OR2G6: variants seen among roughly 807,000 people sequenced by gnomAD.
OR2G6 encodes the protein olfactory receptor family 2 subfamily G member 6.
For synonymous variants in OR2G6, 183 were observed against 155.2 expected (o/e 1.18, Z -1.33); for missense variants, 457 against 391.3 (o/e 1.17, Z -1.42).
At position 248,521,874 on chromosome 1, in the gene OR2G6, T is replaced by C. The variant is rs765410650; in HGVS notation, c.228T>C (p.Ser76=). The C allele has an allele frequency of 6.2e-7, 1 of 1,614,124 alleles. No homozygotes were observed. The highest frequency in any genetic ancestry group is 8.5e-7 in the Non-Finnish European group (1 of 1,179,998). Residue 76 remains serine, a synonymous_variant, in exon 2 of 2, where the codon AGT becomes AGC. Coordinates refer to ENST00000641804, the MANE Select transcript of OR2G6 (RefSeq NM_001013355.2). The part of the protein sequence containing the change: ...LSCVDICFTT[S]VAPQLLVTMN... ...GTGTGGACATCTGCTTTACCACCAG[T>C]GTTGCCCCACAGTTGCTGGTTACCA...
Position 248,521,555 on chromosome 1 carries a change from T to A in OR2G6, c.-36-56T>A, listed in dbSNP as rs994145247. The A allele has an allele frequency of 8.0e-6, 7 of 879,296 alleles. No individual in the cohort carries two copies. In the African/African-American group the frequency reaches 1.2e-4, roughly 15 times the overall value. 54.5% of individuals were successfully genotyped at this position (879,296 alleles called of 1,614,324 possible). A position where few individuals can be genotyped will look rare whatever the true frequency, so the allele number is the denominator to read the frequency against. ...GGAAGATAATTATACTGTAAACGAC[T>A]GTGGATTACCATTCTTGACCTCATT... On this transcript the variant is annotated intron_variant, in intron 1 of 1. Coordinates refer to ENST00000641804, the MANE Select transcript of OR2G6 (RefSeq NM_001013355.2).
intron 1 of OR2G6, among the ~76,000 whole-genome samples, chr1:248,520,535 A>G (rs1241194898): frequency 6.6e-6 from 1 of 152,172 alleles, no homozygotes; most frequent in Non-Finnish European, 1.5e-5. Context: ...TTGACTTGGC[A>G]TTTGACAATA....
At chr1:248,520,191 G>T (rs557172347) in intron 1 of OR2G6, among the ~76,000 whole-genome samples, 3 of 152,064 alleles carry the variant, frequency 2.0e-5, no homozygotes, top group Non-Finnish European at 2.9e-5. Flanking sequence ...AGCAAACATC[G>T]CATGTTCTCA....
Position 248,522,038 on chromosome 1 carries a change from G to T in OR2G6, c.392G>T (p.Arg131Leu). ...TATGCTGCTGTCTGCCGGCCACTGC[G>T]CTACATAGCCATTATGCACCCCAGG... The part of the protein sequence containing the change: ...DRYAAVCRPL[R>L]YIAIMHPRFC... Residue 131 changes from arginine to leucine, a missense_variant, in exon 2 of 2, where the codon CGC (arginine) becomes CTC (leucine). Transcript: ENST00000641804. 1.9e-6 allele frequency: 3 copies of T among 1,614,116 alleles called. No individual in the cohort carries two copies. The highest frequency in any genetic ancestry group is 2.7e-5 in the African/African-American group (2 of 75,040).
intron 1 of OR2G6, among the ~76,000 whole-genome samples, chr1:248,520,238 C>T (rs1664254321): frequency 6.6e-6 from 1 of 152,016 alleles, no homozygotes; most frequent in African/African-American, 2.4e-5. Context: ...AACACATGGA[C>T]ACAGGGAGGG....
At position 248,521,816 on chromosome 1, in the gene OR2G6, C is replaced by A. The variant is rs748030912; in HGVS notation, c.170C>A (p.Thr57Asn). The change falls in exon 2 of 2, where the codon ACT (threonine) becomes AAT (asparagine). Residue 57 changes from threonine to asparagine, a missense_variant. By Grantham distance (65) the Thr-to-Asn change is moderately conservative. Transcript: ENST00000641804. The part of the protein sequence containing the change: ...LVCCLDSRLH[T>N]PMYFFLSNLS... Reference sequence around the variant, plus strand: ...TGTTGTCTGGACTCCAGACTCCACACTCCAATGTACTTCTTCCTCAGCAAC... The same window carrying A: ...TGTTGTCTGGACTCCAGACTCCACAATCCAATGTACTTCTTCCTCAGCAAC... 6 of 1,614,176 alleles carry A rather than the reference C, an allele frequency of 3.7e-6. No individual in the cohort carries two copies. Among genetic ancestry groups the A allele is most frequent in the Non-Finnish European group, 5.1e-6 (6 of 1,180,022 alleles).
At chr1:248,520,796 G>A (rs985733684) in intron 1 of OR2G6, among the ~76,000 whole-genome samples, 1 of 151,422 alleles carries the variant, frequency 6.6e-6, no homozygotes, top group African/African-American at 2.4e-5. Flanking sequence ...GTCACCTGAG[G>A]TCAGGAGTTC....
At chr1:248,520,728 G>C (rs990193959) in intron 1 of OR2G6, among the ~76,000 whole-genome samples, 1 of 151,772 alleles carries the variant, frequency 6.6e-6, no homozygotes, top group Non-Finnish European at 1.5e-5. Context: ...CAAAAATTAG[G>C]CCAGGCACAG....
rs1664335831 is a variant in OR2G6 at position 248,523,542 on chromosome 1, C to T, written c.*945C>T. The T allele has an allele frequency of 6.6e-6, 1 of 152,136 alleles. No individual in the cohort carries two copies. Among genetic ancestry groups the T allele is most frequent in the African/African-American group, 2.4e-5 (1 of 41,412 alleles). 9.4% of individuals were successfully genotyped at this position (152,136 alleles called of 1,614,324 possible). On this transcript the variant is annotated 3_prime_UTR_variant, in exon 2 of 2. Transcript: ENST00000641804. The stretch of plus-strand genomic sequence containing the variant: ...CTTCAAAAATTTGAAATATGAATCC[C>T]ACACACTGTCTCACGTTAACGATCA...
rs1246769629 is a variant in OR2G6 at position 248,522,803 on chromosome 1, C to T, written c.*206C>T. On this transcript the variant is annotated 3_prime_UTR_variant, in exon 2 of 2. Coordinates refer to ENST00000641804, the MANE Select transcript of OR2G6 (RefSeq NM_001013355.2). ...TCCCAAAGCCACAGGGACTAGGAAG[C>T]ATTGGAATTCTAAAGAAGAGAAACA... 1 of 527,460 alleles carries T rather than the reference C, an allele frequency of 1.9e-6. No homozygotes were observed. Among genetic ancestry groups the T allele is most frequent in the African/African-American group, 2.1e-5 (1 of 48,750 alleles). 32.7% of individuals were successfully genotyped at this position (527,460 alleles called of 1,614,324 possible). A position where few individuals can be genotyped will look rare whatever the true frequency, so the allele number is the denominator to read the frequency against.
chr1:248,521,974 T>C lies in OR2G6; in HGVS notation c.328T>C (p.Ser110Pro). Residue 110 changes from serine to proline, a missense_variant, in exon 2 of 2, where the codon TCT becomes CCT. Transcript: ENST00000641804. ...CTATGTGGCCATGGGGTTGGGCTCG[T>C]CTGAGTGTATTCTCTTGGCCGTCAT... ...QLYVAMGLGS[S>P]ECILLAVMAY... The C allele has an allele frequency of 1.9e-6, 3 of 1,614,138 alleles. No individual in the cohort carries two copies. Among genetic ancestry groups the C allele is most frequent in the Non-Finnish European group, 2.5e-6 (3 of 1,180,020 alleles).
chr1:248,519,988 G>A lies in OR2G6; in HGVS notation c.-36-1623G>A, dbSNP rs190622955. ...AGTCACATGGACACATGTTTATTGTGGCACTATTCACAACAGCAAAGACTT... is the reference window on the plus strand; with the variant it reads ...AGTCACATGGACACATGTTTATTGTAGCACTATTCACAACAGCAAAGACTT... On this transcript the variant is annotated intron_variant, in intron 1 of 1. Transcript: ENST00000641804. 5.3e-5 allele frequency among the ~76,000 whole-genome samples: 8 copies of A among 152,140 alleles called. No individual in the cohort carries two copies. The East Asian group carries it at 1.2e-3, about 22-fold the overall frequency.
Position 248,521,650 on chromosome 1 carries a change from G to C in OR2G6, c.4G>C (p.Glu2Gln), listed in dbSNP as rs1187463521. The C allele has an allele frequency of 6.2e-7, 1 of 1,610,260 alleles. No individual in the cohort carries two copies. The highest frequency in any genetic ancestry group is 1.7e-5 in the Admixed American group (1 of 59,492). The change falls in exon 2 of 2, where the codon GAG (glutamate) becomes CAG (glutamine). Residue 2 changes from glutamate (E) to glutamine (Q), a missense_variant. By Grantham distance (29) the Glu-to-Gln change is conservative. Transcript: ENST00000641804. ...GAGTCCTGAAGCTGCAGGAAAAATG[G>C]AGGAAACCAACAACAGCTCTGAAAA... MEETNNSSEKGF... is the reference protein window; with the variant it reads MQETNNSSEKGF...
rs1572070298 is a variant in OR2G6, at chr1:248,526,632, C to T, written c.*4035C>T. On this transcript the variant is annotated 3_prime_UTR_variant, in exon 2 of 2. Transcript: ENST00000641804. The stretch of plus-strand genomic sequence containing the variant: ...GAGAAAATAAACATTTGAAATATGC[C>T]CAGAGCTCTCTGTTCACCATAACCT... 6.6e-6 allele frequency: 1 copy of T among 151,994 alleles called. No homozygotes were observed. The highest frequency in any genetic ancestry group is 1.9e-4 in the East Asian group (1 of 5,172). The allele number at this position is 151,994 out of a possible 1,614,324, so 9.4% of individuals were successfully genotyped here. A position where few individuals can be genotyped will look rare whatever the true frequency, so the allele number is the denominator to read the frequency against.
chr1:248,524,673 A>G lies in OR2G6; in HGVS notation c.*2076A>G, dbSNP rs1374704882. On this transcript the variant is annotated 3_prime_UTR_variant, in exon 2 of 2. Transcript: ENST00000641804. ...TGATATGAACACAATATGTAGAAAAACCTACATATGAATTGTGAAGCAACC... is the reference window on the plus strand; with the variant it reads ...TGATATGAACACAATATGTAGAAAAGCCTACATATGAATTGTGAAGCAACC... 1 of 152,190 alleles carries G rather than the reference A, an allele frequency of 6.6e-6. No homozygotes were observed. Among genetic ancestry groups the G allele is most frequent in the Non-Finnish European group, 1.5e-5 (1 of 68,038 alleles). 9.4% of individuals were successfully genotyped at this position (152,190 alleles called of 1,614,324 possible).
In OR2G6 at chr1:248,521,695, T is replaced by G; in HGVS notation, c.49T>G (p.Phe17Val). The G allele has an allele frequency of 1.2e-6, 2 of 1,614,070 alleles. No homozygotes were observed. The highest frequency in any genetic ancestry group is 8.5e-7 in the Non-Finnish European group (1 of 1,180,014). ...TGAAAAGGGATTTCTTCTCCTGGGA[T>G]TTTCAGATCAGCCTCAGCTAGAGAG... is the stretch of plus-strand genomic sequence containing the variant. ...SSEKGFLLLG[F>V]SDQPQLERFL... The change falls in exon 2 of 2, where the codon TTT becomes GTT. Residue 17 changes from phenylalanine (F) to valine (V), a missense_variant. By Grantham distance (50) the Phe-to-Val change is conservative. Transcript: ENST00000641804.
At position 248,521,928 on chromosome 1, in the gene OR2G6, C is replaced by T. The variant is rs772427933; in HGVS notation, c.282C>T (p.Tyr94=). Reference sequence around the variant, plus strand: ...ATAAGAAAGACAAAACCATGAGCTACGGTGGCTGTGTGGCCCAGCTCTATG... The same window carrying T: ...ATAAGAAAGACAAAACCATGAGCTATGGTGGCTGTGTGGCCCAGCTCTATG... The part of the protein sequence containing the change: ...TMNKKDKTMS[Y]GGCVAQLYVA... The change falls in exon 2 of 2, where the codon TAC becomes TAT. Residue 94 remains tyrosine (Y), a synonymous_variant. Coordinates refer to ENST00000641804, the MANE Select transcript of OR2G6 (RefSeq NM_001013355.2). The T allele has an allele frequency of 1.1e-5, 17 of 1,614,148 alleles. No homozygotes were observed. Among genetic ancestry groups the T allele is most frequent in the Middle Eastern group, 1.6e-4 (1 of 6,062 alleles).
At position 248,522,419 on chromosome 1, in the gene OR2G6, T is replaced by G. The variant is rs958001145; in HGVS notation, c.773T>G (p.Met258Arg). 3.1e-6 allele frequency: 5 copies of G among 1,614,066 alleles called. No homozygotes were observed. The highest frequency in any genetic ancestry group is 4.5e-5 in the East Asian group (2 of 44,896). The change falls in exon 2 of 2, where the codon ATG (methionine) becomes AGG (arginine). Residue 258 changes from methionine to arginine, a missense_variant. Transcript: ENST00000641804. The part of the protein sequence containing the change: ...VIIFYGTIIF[M>R]YLQPANRRSK... ...ATTTTCTATGGGACCATCATATTCA[T>G]GTACCTTCAACCGGCCAATAGGAGA...
At position 248,522,235 on chromosome 1, in the gene OR2G6, G is replaced by A. The variant is rs942637257; in HGVS notation, c.589G>A (p.Ala197Thr). ...CTGTGTGGATACGACTTTCAACGAG[G>A]CAGAACTCTTTGTGGCCAGTGTAGT... is the stretch of plus-strand genomic sequence containing the variant. The part of the protein sequence containing the change: ...LACVDTTFNE[A>T]ELFVASVVFL... Residue 197 changes from alanine to threonine, a missense_variant, in exon 2 of 2, where the codon GCA becomes ACA. Ala to Thr is a moderately conservative substitution (Grantham distance 58). Coordinates refer to ENST00000641804, the MANE Select transcript of OR2G6 (RefSeq NM_001013355.2). The A allele has an allele frequency of 5.0e-6, 8 of 1,614,008 alleles. No individual in the cohort carries two copies. The highest frequency in any genetic ancestry group is 6.8e-6 in the Non-Finnish European group (8 of 1,180,024).
Sources: allele counts gnomAD v4.1 joint callset (sites outside exome capture counted in the v4.1 genomes callset), GRCh38; gene constraint gnomAD v4.1.1; transcripts MANE v1.5; gene names NCBI Gene and HGNC (gene_info 2026-07-23, HGNC 2026-07-21).